The following GRM7 variants were observed in gnomAD, a reference collection of about 807,000 sequenced individuals.
The protein encoded by GRM7 is metabotropic glutamate receptor 7.
GRM7 carries 35 observed loss-of-function variants against 84.5 expected under a neutral mutation model. The ratio of observed to expected loss-of-function variants is 0.41; its 90% CI spans 0.32 to 0.55. GRM7 has a LOEUF of 0.55. Among genes scored for constraint, GRM7 ranks in the 20% least tolerant of loss-of-function variants. The probability of loss-of-function intolerance (pLI) is 0.19; values close to 1 mark genes in which losing one functional copy is unlikely to be tolerated. For missense variants in GRM7, 1,003 were observed against 1,194.6 expected (o/e 0.84, Z 2.36); for synonymous variants, 487 against 455.1 (o/e 1.07, Z -0.89).
chr3:6,993,331 C>T (rs1694714575), intron 1 of GRM7, among the ~76,000 whole-genome samples: 1 of 152,168 alleles, frequency 6.6e-6, no homozygotes, highest in South Asian at 2.1e-4. Context: ...TATTAGACCC[C>T]TTCTTGGAGG....
intron 2 of GRM7, among the ~76,000 whole-genome samples, chr3:7,210,338 G>A (rs938282224): frequency 2.0e-5 from 3 of 152,112 alleles, no homozygotes; most frequent in Non-Finnish European, 2.9e-5. Flanking sequence ...CTTTCCTACC[G>A]CTATCTTATA....
chr3:7,171,743 G>A (rs1383906209), intron 2 of GRM7, among the ~76,000 whole-genome samples: 2 of 152,126 alleles, frequency 1.3e-5, no homozygotes, highest in African/African-American at 4.8e-5. Flanking sequence ...AGACATAGAG[G>A]CGTGACTTGA....
chr3:6,900,423 A>T (rs767418121), intron 1 of GRM7, among the ~76,000 whole-genome samples: 1 of 152,230 alleles, frequency 6.6e-6, no homozygotes, highest in Non-Finnish European at 1.5e-5. Flanking sequence ...ACGTTAATTT[A>T]TGCACTTAGA....
chr3:7,177,868 A>G (rs1177885139), intron 2 of GRM7, among the ~76,000 whole-genome samples: 1 of 152,194 alleles, frequency 6.6e-6, no homozygotes, highest in African/African-American at 2.4e-5. Flanking sequence ...ACAAATGAAA[A>G]TGCTTTTATA....
chr3:6,921,967 A>C (rs1697141171), intron 1 of GRM7, among the ~76,000 whole-genome samples: 1 of 152,168 alleles, frequency 6.6e-6, no homozygotes, highest in South Asian at 2.1e-4. Flanking sequence ...CTCACTGCTC[A>C]ATAGACGTCA....
chr3:7,114,921 G>A (rs1406252338), intron 1 of GRM7, among the ~76,000 whole-genome samples: 1 of 152,114 alleles, frequency 6.6e-6, no homozygotes, highest in Non-Finnish European at 1.5e-5. Context: ...TGGCAGCATG[G>A]CATGCTATCA....
intron 8 of GRM7, chr3:7,591,439 G>A (rs1286315627): frequency 4.5e-6 from 2 of 445,394 alleles, no homozygotes; most frequent in Non-Finnish European, 9.0e-6. Context: ...TGTCCAAAGT[G>A]ATCAAATCTT....
chr3:6,961,844 G>A (rs1667850), intron 1 of GRM7, among the ~76,000 whole-genome samples: 45,315 of 151,706 alleles, frequency 0.3, 7,168 homozygotes, highest in African/African-American at 0.41. Flanking sequence ...TGTATGCTCA[G>A]CATATGGATC....
intron 2 of GRM7, among the ~76,000 whole-genome samples, chr3:7,264,811 G>GA (rs1698573612): frequency 0.019 from 1 of 54 alleles, no homozygotes; most frequent in South Asian, 0.5. Flanking sequence ...TTCCAGTACA[G>GA]GCCACAAAGA....
At chr3:7,557,507 T>C (rs1442852525) in intron 7 of GRM7, among the ~76,000 whole-genome samples, 3 of 152,172 alleles carry the variant, frequency 2.0e-5, no homozygotes, top group Non-Finnish European at 4.4e-5. Context: ...TTGCCATGTA[T>C]TTATCATCCT....
At chr3:7,260,033 C>A (rs1430204019) in intron 2 of GRM7, among the ~76,000 whole-genome samples, 1 of 123,298 alleles carries the variant, frequency 8.1e-6, no homozygotes, top group East Asian at 2.6e-4. Context: ...ATTTGCATTT[C>A]TCCAGTGATC....
At chr3:7,358,301 T>A (rs1317782753) in intron 4 of GRM7, among the ~76,000 whole-genome samples, 1 of 152,092 alleles carries the variant, frequency 6.6e-6, no homozygotes, top group African/African-American at 2.4e-5. Context: ...GCAGACTAAA[T>A]TACAAAAATC....
chr3:6,931,354 T>C (rs1242257219), intron 1 of GRM7, among the ~76,000 whole-genome samples: 2 of 152,176 alleles, frequency 1.3e-5, no homozygotes, highest in Non-Finnish European at 2.9e-5. Flanking sequence ...AAGAGTGACA[T>C]AGAGGACTGA....
intron 1 of GRM7, among the ~76,000 whole-genome samples, chr3:7,077,239 T>C (rs189967879): frequency 3.7e-4 from 57 of 152,280 alleles, no homozygotes; most frequent in Non-Finnish European, 6.8e-4. Context: ...ACCCAAAGGA[T>C]TATAAATCAT....
intron 8 of GRM7, among the ~76,000 whole-genome samples, chr3:7,656,481 G>A (rs1699184112): frequency 6.7e-6 from 1 of 149,824 alleles, no homozygotes; most frequent in South Asian, 2.1e-4. Flanking sequence ...GGGCGACAGA[G>A]CAAGACTCTG....
At chr3:7,719,521 G>T (rs1575666962) in intron 9 of GRM7, among the ~76,000 whole-genome samples, 1 of 152,192 alleles carries the variant, frequency 6.6e-6, no homozygotes, top group Middle Eastern at 3.4e-3. Flanking sequence ...ATGTTGAAAT[G>T]GTAACCTACA....
At chr3:7,398,629 A>T (rs556224751) in intron 4 of GRM7, among the ~76,000 whole-genome samples, 22 of 151,986 alleles carry the variant, frequency 1.4e-4, no homozygotes, top group Non-Finnish European at 2.8e-4. Flanking sequence ...TTGTGTGTAT[A>T]TATATGTATA....
chr3:7,466,544 G>A (rs1410256525), intron 7 of GRM7, among the ~76,000 whole-genome samples: 4 of 152,126 alleles, frequency 2.6e-5, no homozygotes, highest in African/African-American at 9.7e-5. Context: ...AAACCATGAT[G>A]GTTACTTTGT....
chr3:7,077,686 C>T (rs969779567), intron 1 of GRM7, among the ~76,000 whole-genome samples: 5 of 151,500 alleles, frequency 3.3e-5, no homozygotes, highest in East Asian at 1.9e-4. Context: ...CAAACCTGCA[C>T]GTTCTGCACA....
Sources: allele counts gnomAD v4.1 joint callset (sites outside exome capture counted in the v4.1 genomes callset), GRCh38; gene constraint gnomAD v4.1.1; transcripts MANE v1.5; gene names NCBI Gene and HGNC (gene_info 2026-07-23, HGNC 2026-07-21).